The following NAV3 variants were observed in gnomAD, a reference collection of about 807,000 sequenced individuals.
NAV3 encodes pore membrane and/or filament interacting like protein 1.
Under a neutral mutation model 244.7 loss-of-function variants are expected in NAV3, and 87 were observed. The observed-to-expected ratio is 0.36, with a 90% CI of 0.30 to 0.42. NAV3 has a LOEUF of 0.42. NAV3 is among the 20% of genes least tolerant of loss of function. NAV3 has a pLI of 1.00. For synonymous variants in NAV3, 1,126 were observed against 1,042.2 expected, an observed-to-expected ratio of 1.08 and a Z score of -1.55; for missense variants, 2,663 against 2,893.3, an observed-to-expected ratio of 0.92 and a Z score of 1.83.
At chr12:77,650,267 GC>G (rs2100037336) in intron 2 of NAV3, among the ~76,000 whole-genome samples, 1 of 152,134 alleles carries the variant, frequency 6.6e-6, no homozygotes. Context: ...TAAAGAAGAA[GC>G]ATGGGATGTT....
At chr12:77,606,571 A>AGTAT (rs1870679153) in intron 2 of NAV3, among the ~76,000 whole-genome samples, 1 of 152,168 alleles carries the variant, frequency 6.6e-6, no homozygotes. Context: ...CCTTGCACAT[A>AGTAT]GTATGAGCTC....
chr12:77,603,214 T>C (rs558952930), intron 2 of NAV3, among the ~76,000 whole-genome samples: 1 of 152,100 alleles, frequency 6.6e-6, no homozygotes, highest in Non-Finnish European at 1.5e-5. Context: ...TCATGCTCTT[T>C]GGTATGTGGA....
At chr12:77,952,917 T>C (rs1369819544) in intron 3 of NAV3, among the ~76,000 whole-genome samples, 1 of 152,106 alleles carries the variant, frequency 6.6e-6, no homozygotes, top group African/African-American at 2.4e-5. Context: ...TTTATATACA[T>C]ACATGTTTTT....
At chr12:77,850,530 C>G (rs1877352804) in intron 1 of NAV3, among the ~76,000 whole-genome samples, 1 of 152,136 alleles carries the variant, frequency 6.6e-6, no homozygotes, top group African/African-American at 2.4e-5. Context: ...TTTCCTGCTG[C>G]TGGTGGTTGC....
chr12:77,724,273 C>G (rs1245307479), intron 2 of NAV3, among the ~76,000 whole-genome samples: 1 of 151,786 alleles, frequency 6.6e-6, no homozygotes, highest in Non-Finnish European at 1.5e-5. Flanking sequence ...GTTGATTATG[C>G]TTTTTCTGTA....
intron 12 of NAV3, among the ~76,000 whole-genome samples, chr12:78,114,297 T>G (rs896163928): frequency 1.3e-5 from 2 of 152,226 alleles, no homozygotes; most frequent in African/African-American, 4.8e-5. Flanking sequence ...GCAAAGTTAC[T>G]GCCACATTTC....
rs10581059 is a variant in NAV3 at position 78,090,954 on chromosome 12, C to CTGTGTG, written c.2637-25777_2637-25772dup. Among the ~76,000 whole-genome samples, 799 of 142,648 alleles carry CTGTGTG rather than the reference C, an allele frequency of 5.6e-3. 3 individuals carry two copies. The highest frequency in any genetic ancestry group is 7.4e-3 in the Admixed American group (105 of 14,204). The allele number at this position is 142,648 out of a possible 152,430, so 93.6% of individuals were successfully genotyped here. A position where few individuals can be genotyped will look rare whatever the true frequency, so the allele number is the denominator to read the frequency against. On this transcript the variant is annotated intron_variant, in intron 12 of 39. Transcript: ENST00000397909. ...AAGTACTTCTGTGCTGTGCTGTATT[C>CTGTGTG]TGTGTGTGTGTGTGTGTGTGTGTGT...
chr12:77,900,762 G>T (rs538345044), intron 1 of NAV3, among the ~76,000 whole-genome samples: 2 of 152,240 alleles, frequency 1.3e-5, no homozygotes, highest in African/African-American at 4.8e-5. Context: ...ATAAATGGTA[G>T]TTCTCTTTTA....
chr12:77,688,703 T>A (rs1481070747), intron 2 of NAV3, among the ~76,000 whole-genome samples: 3 of 151,888 alleles, frequency 2.0e-5, no homozygotes, highest in Non-Finnish European at 1.5e-5. Context: ...AATAAAGTTT[T>A]AATAGAATAG....
intron 8 of NAV3, among the ~76,000 whole-genome samples, chr12:78,011,190 A>T (rs1461070399): frequency 6.6e-6 from 1 of 152,174 alleles, no homozygotes; most frequent in East Asian, 1.9e-4. Flanking sequence ...TATAGTGTTA[A>T]GATGGCCATC....
Position 78,210,582 on chromosome 12 carries a change from T to C in NAV3, c.*65T>C. On this transcript the variant is annotated 3_prime_UTR_variant, in exon 40 of 40. Transcript: ENST00000397909. ...AAAATGTTTCAAAAGAAAGGTATTT[T>C]CACTAAACCACTGCCAGTATAAAAG... 6.3e-7 allele frequency: 1 copy of C among 1,575,432 alleles called. No homozygotes were observed. The highest frequency in any genetic ancestry group is 8.6e-7 in the Non-Finnish European group (1 of 1,159,438).
chr12:78,184,808 T>C (rs540631033), intron 30 of NAV3, among the ~76,000 whole-genome samples: 1 of 151,866 alleles, frequency 6.6e-6, no homozygotes, highest in East Asian at 1.9e-4. Flanking sequence ...TGTCTTAATA[T>C]TAAGCATGGT....
intron 2 of NAV3, among the ~76,000 whole-genome samples, chr12:77,657,284 G>A (rs570654925): frequency 5.4e-4 from 82 of 152,220 alleles, no homozygotes; most frequent in South Asian, 1.9e-3. Context: ...TATCACCACC[G>A]ATCCCACAGA....
chr12:78,163,701 A>T (rs940395949), intron 23 of NAV3, among the ~76,000 whole-genome samples: 3 of 152,176 alleles, frequency 2.0e-5, no homozygotes, highest in African/African-American at 7.2e-5. Flanking sequence ...GTAAGTAGGT[A>T]AAAATTAAGA....
intron 7 of NAV3, among the ~76,000 whole-genome samples, chr12:78,003,969 A>G (rs1873765558): frequency 6.6e-6 from 1 of 152,192 alleles, no homozygotes; most frequent in African/African-American, 2.4e-5. Flanking sequence ...GAGTTACCCA[A>G]TTAACTTGAC....
chr12:78,015,950 T>C (rs1876128424), intron 8 of NAV3, among the ~76,000 whole-genome samples: 1 of 152,146 alleles, frequency 6.6e-6, no homozygotes, highest in African/African-American at 2.4e-5. Flanking sequence ...CTGTATTTGT[T>C]ATAATTCATT....
chr12:77,735,862 T>C (rs1295472265), intron 2 of NAV3, among the ~76,000 whole-genome samples: 1 of 152,156 alleles, frequency 6.6e-6, no homozygotes, highest in Admixed American at 6.5e-5. Flanking sequence ...ATAAAACATA[T>C]ATTTAGAAAG....
chr12:78,163,764 T>C (rs1482706686), intron 23 of NAV3, among the ~76,000 whole-genome samples: 1 of 152,080 alleles, frequency 6.6e-6, no homozygotes, highest in African/African-American at 2.4e-5. Flanking sequence ...CATTACCCTA[T>C]ACCTAACCTA....
chr12:78,007,475 T>C (rs756194242), intron 8 of NAV3, 30 bp downstream of exon 8: 1 of 1,592,340 alleles, frequency 6.3e-7, no homozygotes, highest in Admixed American at 1.7e-5. Context: ...TCCACAGTTG[T>C]AAATATATTT....
Sources: allele counts gnomAD v4.1 joint callset (sites outside exome capture counted in the v4.1 genomes callset), GRCh38; gene constraint gnomAD v4.1.1; transcripts MANE v1.5; gene names NCBI Gene and HGNC (gene_info 2026-07-23, HGNC 2026-07-21).